TENM1: variants seen among roughly 807,000 people sequenced by gnomAD.
TENM1 encodes the protein teneurin-1.
TENM1 carries 35 observed loss-of-function variants against 174.8 expected under a neutral mutation model. The observed-to-expected ratio is 0.20, with a 90% CI of 0.15 to 0.27. The LOEUF is 0.27. TENM1 is among the 10% of genes least tolerant of loss of function. The probability of loss-of-function intolerance (pLI) is 1.00; values close to 1 mark genes in which losing one functional copy is unlikely to be tolerated. For synonymous variants in TENM1, 781 were observed against 798.7 expected (o/e 0.98, Z 0.37); for missense variants, 1,633 against 2,130.1 (o/e 0.77, Z 4.59).
chrX:124,952,342 GT>G (rs1287559868), intron 1 of TENM1, among the ~76,000 whole-genome samples: 2 of 105,243 alleles, frequency 1.9e-5, no homozygotes, highest in African/African-American at 7.6e-5. Context: ...TGGGGTGTGT[GT>G]GTGTGTGTGT....
chrX:125,049,950 T>G, the TENM1 span, among the ~76,000 whole-genome samples: 2 of 110,107 alleles, frequency 1.8e-5, no homozygotes, highest in African/African-American at 6.6e-5. Context: ...TTTTCCATTC[T>G]ATGGGTTGTC....
intron 22 of TENM1, among the ~76,000 whole-genome samples, chrX:124,471,514 GTAATATA>G (rs1282272787): frequency 7.5e-4 from 46 of 61,308 alleles, no homozygotes; most frequent in Admixed American, 1.2e-3. Context: ...ATAATATATA[GTAATATA>G]TAATATATAA....
At chrX:124,566,565 A>G (rs888781601) in intron 11 of TENM1, among the ~76,000 whole-genome samples, 9 of 112,507 alleles carry the variant, frequency 8.0e-5, no homozygotes, top group Admixed American at 6.6e-4. Flanking sequence ...TAGGCCACAT[A>G]TTCCTGAAAG....
At chrX:125,066,260 G>A in the TENM1 span, among the ~76,000 whole-genome samples, 2 of 111,235 alleles carry the variant, frequency 1.8e-5, no homozygotes, top group Non-Finnish European at 3.8e-5. Flanking sequence ...TTTATGCCTG[G>A]GTCAGTTTTT....
chrX:124,769,529 C>A (rs982639277), intron 3 of TENM1, among the ~76,000 whole-genome samples: 1 of 111,216 alleles, frequency 9.0e-6, no homozygotes, highest in African/African-American at 3.3e-5. Context: ...ATAATTGAAG[C>A]CTAAACAGAA....
intron 1 of TENM1, among the ~76,000 whole-genome samples, chrX:124,939,257 C>T (rs1189396801): frequency 9.0e-6 from 1 of 111,690 alleles, no homozygotes. Flanking sequence ...TTGACAAAGA[C>T]CACAAGATTG....
the TENM1 span, among the ~76,000 whole-genome samples, chrX:125,039,156 A>G: frequency 8.9e-6 from 1 of 111,885 alleles, no homozygotes; most frequent in South Asian, 3.7e-4. Context: ...AATAGCACCC[A>G]TTATCTTGCT....
intron 5 of TENM1, among the ~76,000 whole-genome samples, chrX:124,683,407 T>C (rs1174650974): frequency 2.7e-5 from 3 of 112,033 alleles, no homozygotes; most frequent in African/African-American, 9.7e-5. Context: ...ATCGGACTAA[T>C]GAGGCCAATG....
intron 11 of TENM1, among the ~76,000 whole-genome samples, chrX:124,583,731 C>T (rs1482785875): frequency 8.9e-6 from 1 of 111,796 alleles, no homozygotes. Context: ...GACGATCAAA[C>T]TACTCCGAGC....
At chrX:124,856,927 A>T in intron 3 of TENM1, among the ~76,000 whole-genome samples, 1 of 111,717 alleles carries the variant, frequency 9.0e-6, no homozygotes, top group South Asian at 3.8e-4. Context: ...AGGTTAGGAT[A>T]GACTAGAATA....
chrX:125,171,849 T>C, the TENM1 span, among the ~76,000 whole-genome samples: 3 of 111,873 alleles, frequency 2.7e-5, no homozygotes, highest in Non-Finnish European at 5.7e-5. Flanking sequence ...CAATATACCA[T>C]AAAAAGAGGC....
chrX:124,736,837 G>C lies in TENM1; in HGVS notation c.776+120C>G, dbSNP rs934864441. 5 of 949,145 alleles carry C rather than the reference G, an allele frequency of 5.3e-6. No homozygotes were observed. In the African/African-American group the frequency reaches 9.9e-5, roughly 19 times the overall value. 78.2% of individuals were successfully genotyped at this position (949,145 alleles called of 1,213,427 possible). ...CCTTTTTGCCCATGCATCTGGGTGTGTATCGGTTTGTGCATTTGTGTGTCT... is the reference window on the plus strand; with the variant it reads ...CCTTTTTGCCCATGCATCTGGGTGTCTATCGGTTTGTGCATTTGTGTGTCT... On this transcript the variant is annotated intron_variant, in intron 4 of 31. Coordinates refer to ENST00000422452, the Ensembl canonical transcript of TENM1.
chrX:124,791,356 A>G (rs2147203941), intron 3 of TENM1, among the ~76,000 whole-genome samples: 1 of 112,109 alleles, frequency 8.9e-6, no homozygotes, highest in South Asian at 3.7e-4. Context: ...AACAGTCTAC[A>G]TATATACAAA....
intron 10 of TENM1, among the ~76,000 whole-genome samples, chrX:124,644,163 T>C (rs1401159442): frequency 4.0e-5 from 4 of 99,578 alleles, no homozygotes; most frequent in African/African-American, 1.5e-4. Context: ...ATATATGGCA[T>C]ATATGGCATA....
intron 8 of TENM1, among the ~76,000 whole-genome samples, chrX:124,650,242 T>G (rs1217769881): frequency 1.9e-5 from 2 of 107,107 alleles, no homozygotes; most frequent in African/African-American, 6.8e-5. Flanking sequence ...AGAGGAGAAT[T>G]TAGGGTGAAT....
chrX:124,680,710 T>G (rs2052213701), intron 5 of TENM1, among the ~76,000 whole-genome samples: 1 of 111,775 alleles, frequency 8.9e-6, no homozygotes, highest in South Asian at 3.7e-4. Context: ...AAATATAAAT[T>G]TAGACATGAA....
intron 20 of TENM1, 117 bp from the exon 24 acceptor site, chrX:124,487,346 T>A: frequency 7.8e-6 from 5 of 642,662 alleles, no homozygotes; most frequent in Non-Finnish European, 9.7e-6. Context: ...TTGCGGCATT[T>A]AGAGAGACTC....
chrX:124,405,053 G>A (rs1231294323), exon 27 of TENM1: 39 of 1,210,861 alleles, frequency 3.2e-5, no homozygotes, highest in Non-Finnish European at 4.1e-5. Flanking sequence ...TTCAAAAGCC[G>A]AAACATTGCC....
At chrX:124,821,904 G>A (rs754866819) in intron 3 of TENM1, among the ~76,000 whole-genome samples, 1 of 112,062 alleles carries the variant, frequency 8.9e-6, no homozygotes, top group African/African-American at 3.2e-5. Flanking sequence ...AGATGAACTA[G>A]CCATCACAGA....
Sources: allele counts gnomAD v4.1 joint callset (sites outside exome capture counted in the v4.1 genomes callset), GRCh38; gene constraint gnomAD v4.1.1; transcripts MANE v1.5; gene names NCBI Gene and HGNC (gene_info 2026-07-23, HGNC 2026-07-21).